The following SLC5A3 variants were observed in gnomAD, a reference collection of about 807,000 sequenced individuals.
SLC5A3 encodes sodium/myo-inositol cotransporter.
SLC5A3 carries 10 observed loss-of-function variants against 43.2 expected under a neutral mutation model. The observed-to-expected ratio is 0.23, with a 90% CI of 0.14 to 0.39. The LOEUF (loss-of-function observed/expected upper bound fraction) is 0.39, where lower values mean the gene tolerates loss of function less well. Among genes scored for constraint, SLC5A3 ranks in the 10% least tolerant of loss-of-function variants. SLC5A3 has a pLI of 1.00. For synonymous variants in SLC5A3, 349 were observed against 322.0 expected, an observed-to-expected ratio of 1.08 and a Z score of -0.90; for missense variants, 608 against 893.4, an observed-to-expected ratio of 0.68 and a Z score of 4.07.
chr21:34,101,745 AATT>A lies in SLC5A3; in HGVS notation c.*4393_*4395del. 1 of 992,792 alleles carries A rather than the reference AATT, an allele frequency of 1.0e-6. No homozygotes were observed. Among genetic ancestry groups the A allele is most frequent in the African/African-American group, 1.7e-5 (1 of 57,200 alleles). The allele number at this position is 992,792 out of a possible 1,614,324, so 61.5% of individuals were successfully genotyped here. A position where few individuals can be genotyped will look rare whatever the true frequency, so the allele number is the denominator to read the frequency against. ...ATCCAAATAATGACTCATTAAATATAATTATGTTTTAAGTATACTGAATTTCTG... is the reference window on the plus strand; with the variant it reads ...ATCCAAATAATGACTCATTAAATATAATGTTTTAAGTATACTGAATTTCTG... On this transcript the variant is annotated 3_prime_UTR_variant, in exon 2 of 2. Transcript: ENST00000381151.
At position 34,094,872 on chromosome 21, in the gene SLC5A3, A is replaced by G. The variant is rs1978895759; in HGVS notation, c.-327A>G. 1 of 263,548 alleles carries G rather than the reference A, an allele frequency of 3.8e-6. No individual in the cohort carries two copies. 16.3% of individuals were successfully genotyped at this position (263,548 alleles called of 1,614,324 possible). On this transcript the variant is annotated 5_prime_UTR_variant, in exon 2 of 2. Coordinates refer to ENST00000381151, the MANE Select transcript of SLC5A3 (RefSeq NM_006933.7). ...CTCTGCTGCCTTGCAGGGTTGGTAC[A>G]GTAGGCTTCACTAGACTTAGCTGCA...
In SLC5A3 at chr21:34,098,973, G is replaced by C; in HGVS notation, c.*1618G>C. 1.0e-6 allele frequency: 1 copy of C among 987,496 alleles called. No individual in the cohort carries two copies. Among genetic ancestry groups the C allele is most frequent in the Non-Finnish European group, 1.2e-6 (1 of 818,516 alleles). 61.2% of individuals were successfully genotyped at this position (987,496 alleles called of 1,614,324 possible). ...AATTACTTTCATAAATACTTTTGTA[G>C]ATTTTGAATCAAAACTCAGTCTTTT... On this transcript the variant is annotated 3_prime_UTR_variant, in exon 2 of 2. Transcript: ENST00000381151.
intron 1 of SLC5A3, among the ~76,000 whole-genome samples, chr21:34,074,728 C>T (rs1196372758): frequency 6.6e-6 from 1 of 152,218 alleles, no homozygotes; most frequent in Admixed American, 6.5e-5. Context: ...CACGTCCGAA[C>T]TTTGTAAGCA....
chr21:34,090,872 C>T (rs1452328165), intron 1 of SLC5A3, among the ~76,000 whole-genome samples: 4 of 152,194 alleles, frequency 2.6e-5, no homozygotes, highest in African/African-American at 4.8e-5. Context: ...CTGTTTTCTT[C>T]TGTACCGTGC....
In SLC5A3 at chr21:34,096,098, T is replaced by A. The variant is rs369410032; in HGVS notation, c.900T>A (p.Leu300=). ...TTGCTCATGCCAAAGGCTCTACTCT[T>A]ATGGCTGGCTTCTTAAAGCTCCTGC... ...KNIAHAKGST[L]MAGFLKLLPM... The change falls in exon 2 of 2, where the codon CTT becomes CTA. Residue 300 remains leucine (L), a synonymous_variant. Transcript: ENST00000381151. This position sits in a 1 kb window ranked among gnomAD's most constrained non-coding sequence, Gnocchi z 5.9. 6.1e-5 allele frequency: 98 copies of A among 1,613,988 alleles called. No homozygotes were observed. The highest frequency in any genetic ancestry group is 8.1e-5 in the Non-Finnish European group (95 of 1,180,000).
In SLC5A3 at chr21:34,092,967, C is replaced by T. The variant is rs569664911; in HGVS notation, c.-336-1896C>T. Among the ~76,000 whole-genome samples, 7 of 152,236 alleles carry T rather than the reference C, an allele frequency of 4.6e-5. No individual in the cohort carries two copies. The South Asian group carries it at 6.2e-4, about 14-fold the overall frequency. ...CCCTGGAGGCAGGGTTTCATAACTG[C>T]GAACAGCAGTTTTCATTGTAATTGA... On this transcript the variant is annotated intron_variant, in intron 1 of 1. Transcript: ENST00000381151.
chr21:34,080,791 G>T (rs112146008), intron 1 of SLC5A3, among the ~76,000 whole-genome samples: 16 of 152,170 alleles, frequency 1.1e-4, no homozygotes, highest in Non-Finnish European at 1.6e-4. Context: ...TTACTAAGCT[G>T]CCTTGAGGGG....
chr21:34,074,264 A>G (rs1989267549), intron 1 of SLC5A3, among the ~76,000 whole-genome samples: 1 of 151,914 alleles, frequency 6.6e-6, no homozygotes, highest in East Asian at 1.9e-4. Flanking sequence ...CGCCCAATAA[A>G]GCGTTCCTCC....
At chr21:34,078,951 C>G (rs1989396142) in intron 1 of SLC5A3, among the ~76,000 whole-genome samples, 1 of 152,178 alleles carries the variant, frequency 6.6e-6, no homozygotes, top group South Asian at 2.1e-4. Flanking sequence ...GTAGTTACCT[C>G]TTAGGGGAAT....
In SLC5A3 at chr21:34,100,493, A is replaced by C; in HGVS notation, c.*3138A>C. On this transcript the variant is annotated 3_prime_UTR_variant, in exon 2 of 2. Coordinates refer to ENST00000381151, the MANE Select transcript of SLC5A3 (RefSeq NM_006933.7). The stretch of plus-strand genomic sequence containing the variant: ...GCAATGGTGCTGTGTCCTTCGGCCT[A>C]AATTCAATAGATCTCATCTCCTAGG... 2 of 1,000,228 alleles carry C rather than the reference A, an allele frequency of 2.0e-6. No individual in the cohort carries two copies. The highest frequency in any genetic ancestry group is 4.7e-5 in the South Asian group (1 of 21,282). The allele number at this position is 1,000,228 out of a possible 1,614,324, so 62.0% of individuals were successfully genotyped here.
chr21:34,105,729 T>C lies in SLC5A3; in HGVS notation c.*8374T>C, dbSNP rs759984897. On this transcript the variant is annotated 3_prime_UTR_variant, in exon 2 of 2. Coordinates refer to ENST00000381151, the MANE Select transcript of SLC5A3 (RefSeq NM_006933.7). ...ATTGTAAATGGATTTCCAGTTTACC[T>C]TCTGTTGTCTACAGCTTTTTTAATT... The C allele has an allele frequency of 1.2e-5, 12 of 998,148 alleles. No homozygotes were observed. The highest frequency in any genetic ancestry group is 1.7e-5 in the African/African-American group (1 of 57,212). The allele number at this position is 998,148 out of a possible 1,614,324, so 61.8% of individuals were successfully genotyped here.
At position 34,095,292 on chromosome 21, in the gene SLC5A3, A is replaced by C; in HGVS notation, c.94A>C (p.Asn32His). ...CIGFFAMWKS[N>H]RSTVSGYFLA... ...TGGTTTTTTTGCCATGTGGAAATCT[A>C]ATAGAAGCACCGTGAGTGGATACTT... The change falls in exon 2 of 2, where the codon AAT becomes CAT. Residue 32 changes from asparagine to histidine, a missense_variant. By Grantham distance (68) the Asn-to-His change is moderately conservative (BLOSUM62 1). Transcript: ENST00000381151. 1.2e-6 allele frequency: 2 copies of C among 1,614,144 alleles called. No homozygotes were observed. The highest frequency in any genetic ancestry group is 1.7e-6 in the Non-Finnish European group (2 of 1,179,986).
intron 1 of SLC5A3, among the ~76,000 whole-genome samples, chr21:34,074,636 C>T (rs191682678): frequency 1.3e-5 from 2 of 152,338 alleles, no homozygotes; most frequent in East Asian, 3.9e-4. Flanking sequence ...CCCATTCTCC[C>T]GTGAATTCGG....
rs562750859 is a variant in SLC5A3 at position 34,097,623 on chromosome 21, A to G, written c.*268A>G. The G allele has an allele frequency of 2.6e-5, 31 of 1,179,250 alleles. No individual in the cohort carries two copies. The African/African-American group carries it at 4.2e-4, about 16-fold the overall frequency. The allele number at this position is 1,179,250 out of a possible 1,614,324, so 73.0% of individuals were successfully genotyped here. On this transcript the variant is annotated 3_prime_UTR_variant, in exon 2 of 2. Transcript: ENST00000381151. ...ATACCAAAGTAAGAAGAGACCAATT[A>G]TTCTCACAGAGCACTTAGAGCAGAA...
Position 34,075,996 on chromosome 21 carries a change from A to C in SLC5A3, c.-337+2251A>C, listed in dbSNP as rs184855098. Among the ~76,000 whole-genome samples the C allele has an allele frequency of 9.8e-5, 15 of 152,352 alleles. No individual in the cohort carries two copies. In the East Asian group the frequency reaches 1.9e-3, roughly 20 times the overall value. ...TGCAAGAAGGGTATTGAAGCTCCTC[A>C]GTTCAAAGTTGCGTATCTTCCACGT... On this transcript the variant is annotated intron_variant, in intron 1 of 1. Transcript: ENST00000381151.
At position 34,099,279 on chromosome 21, in the gene SLC5A3, G is replaced by A. The variant is rs1162612410; in HGVS notation, c.*1924G>A. ...ATTTTCTTGTTTGGAAGTTGAGGCTGCGACATGTCCAAGGTTATGAAGTCT... is the reference window on the plus strand; with the variant it reads ...ATTTTCTTGTTTGGAAGTTGAGGCTACGACATGTCCAAGGTTATGAAGTCT... On this transcript the variant is annotated 3_prime_UTR_variant, in exon 2 of 2. Coordinates refer to ENST00000381151, the MANE Select transcript of SLC5A3 (RefSeq NM_006933.7). 1 of 1,000,092 alleles carries A rather than the reference G, an allele frequency of 1.0e-6. No homozygotes were observed. The highest frequency in any genetic ancestry group is 1.2e-6 in the Non-Finnish European group (1 of 829,972). 62.0% of individuals were successfully genotyped at this position (1,000,092 alleles called of 1,614,324 possible). A position where few individuals can be genotyped will look rare whatever the true frequency, so the allele number is the denominator to read the frequency against.
intron 1 of SLC5A3, among the ~76,000 whole-genome samples, chr21:34,078,394 G>C (rs1388524704): frequency 6.6e-6 from 1 of 152,158 alleles, no homozygotes; most frequent in Non-Finnish European, 1.5e-5. Flanking sequence ...AAGGTACAAG[G>C]AATGGCTTGG....
chr21:34,106,155 A>G lies in SLC5A3; in HGVS notation c.*8800A>G, dbSNP rs1369210976. 1.0e-6 allele frequency: 1 copy of G among 992,574 alleles called. No homozygotes were observed. The highest frequency in any genetic ancestry group is 1.1e-4 in the East Asian group (1 of 8,804). The allele number at this position is 992,574 out of a possible 1,614,324, so 61.5% of individuals were successfully genotyped here. On this transcript the variant is annotated 3_prime_UTR_variant, in exon 2 of 2. Coordinates refer to ENST00000381151, the MANE Select transcript of SLC5A3 (RefSeq NM_006933.7). ...CTTAAGATGAACTACATTTCTTGCA[A>G]AGTACATTCCTTTCTGTGGTATTTT...
Position 34,096,254 on chromosome 21 carries a change from A to C in SLC5A3, c.1056A>C (p.Pro352=). 1 of 1,614,100 alleles carries C rather than the reference A, an allele frequency of 6.2e-7. No individual in the cohort carries two copies. ...CTGGTTGCTCCAATATTGCTTACCC[A>C]CGCCTGGTGATGAAGCTGGTTCCTG... ...SRAGCSNIAY[P]RLVMKLVPVG... The change falls in exon 2 of 2, where the codon CCA becomes CCC. Residue 352 remains proline, a synonymous_variant. Coordinates refer to ENST00000381151, the MANE Select transcript of SLC5A3 (RefSeq NM_006933.7). The surrounding 1 kb of genome is among the most constrained non-coding windows in gnomAD (Gnocchi z 5.9).
Sources: allele counts gnomAD v4.1 joint callset (sites outside exome capture counted in the v4.1 genomes callset), GRCh38; gene constraint gnomAD v4.1.1; non-coding constraint Gnocchi (gnomAD v3.1); transcripts MANE v1.5; gene names NCBI Gene and HGNC (gene_info 2026-07-23, HGNC 2026-07-21).